DNAAF4: variants seen among roughly 807,000 people sequenced by gnomAD.
DNAAF4 encodes the protein dynein assembly factor 4, axonemal.
Under a neutral mutation model 51.8 loss-of-function variants are expected in DNAAF4, and 43 were observed. That is an observed-to-expected ratio of 0.83 (90% CI 0.65 to 1.07). DNAAF4 has a LOEUF of 1.07. DNAAF4 is among the 50% of genes least tolerant of loss of function. The pLI is 0.00. For missense variants in DNAAF4, 581 were observed against 493.0 expected (o/e 1.18, Z -1.69); for synonymous variants, 194 against 165.6 (o/e 1.17, Z -1.32).
downstream of DNAAF4, among the ~76,000 whole-genome samples, chr15:55,426,081 T>C (rs1387913853): frequency 1.4e-5 from 2 of 147,272 alleles, no homozygotes; most frequent in African/African-American, 5.4e-5. Flanking sequence ...GGAGTGCTGA[T>C]TGGTTAGGTA....
chr15:55,457,715 T>C lies in DNAAF4; in HGVS notation c.638-7348A>G, dbSNP rs571847305. 3.3e-5 allele frequency among the ~76,000 whole-genome samples: 5 copies of C among 152,228 alleles called. 1 individual carries two copies. The South Asian group carries it at 1.0e-3, about 32-fold the overall frequency. On this transcript the variant is annotated intron_variant, in intron 5 of 9. Coordinates refer to ENST00000321149, the MANE Select transcript of DNAAF4 (RefSeq NM_130810.4). The stretch of plus-strand genomic sequence containing the variant: ...TGTCTAGCCAGAGGTCCTGAATCTG[T>C]CCACGTGACAACTTCACTGCTTACA...
chr15:55,484,063 T>C (rs1290748884), intron 4 of DNAAF4, among the ~76,000 whole-genome samples: 1 of 151,926 alleles, frequency 6.6e-6, no homozygotes, highest in South Asian at 2.1e-4. Context: ...CCCATTAGGA[T>C]GGCTACTCTC....
intron 4 of DNAAF4, among the ~76,000 whole-genome samples, chr15:55,483,552 TG>T (rs1372245319): frequency 1.3e-5 from 2 of 152,206 alleles, no homozygotes; most frequent in East Asian, 3.8e-4. Flanking sequence ...GGTTTGTTTT[TG>T]TTTTTGAAAT....
intron 4 of DNAAF4, among the ~76,000 whole-genome samples, chr15:55,470,574 C>T (rs2058239904): frequency 6.7e-6 from 1 of 148,800 alleles, no homozygotes; most frequent in Admixed American, 6.7e-5. Context: ...CAGGGTCTTG[C>T]TCTGTCACCC....
chr15:55,454,038 C>T (rs1461548266), intron 5 of DNAAF4, among the ~76,000 whole-genome samples: 3 of 151,972 alleles, frequency 2.0e-5, no homozygotes, highest in Admixed American at 1.3e-4. Context: ...TGGTGGCTCA[C>T]GCCTGTAATC....
At chr15:55,448,700 T>G (rs1228734835) in intron 6 of DNAAF4, among the ~76,000 whole-genome samples, 1 of 151,488 alleles carries the variant, frequency 6.6e-6, no homozygotes, top group Non-Finnish European at 1.5e-5. Context: ...AAACCCCATC[T>G]CTATTAAAAA....
chr15:55,490,294 T>C (rs1039957745), intron 4 of DNAAF4, among the ~76,000 whole-genome samples: 7 of 151,976 alleles, frequency 4.6e-5, no homozygotes, highest in South Asian at 2.1e-4. Flanking sequence ...CTTAGGGGTA[T>C]TGGTGCTTTT....
rs143409348 is a variant in DNAAF4, at chr15:55,437,160, T to C, written c.894-2102A>G. On this transcript the variant is annotated intron_variant, in intron 7 of 9. Transcript: ENST00000321149. ...CCATGTTATTGTACTTCCCACACAG[T>C]GTTTTAAATATTTGTGTACGTCTCT... is the stretch of plus-strand genomic sequence containing the variant. Among the ~76,000 whole-genome samples, 81 of 152,332 alleles carry C rather than the reference T, an allele frequency of 5.3e-4. 1 individual carries two copies. Among genetic ancestry groups the C allele is most frequent in the African/African-American group, 1.9e-3 (79 of 41,590 alleles).
At chr15:55,497,236 TTC>T (rs2058652490) in intron 3 of DNAAF4, among the ~76,000 whole-genome samples, 1 of 152,184 alleles carries the variant, frequency 6.6e-6, no homozygotes, top group Admixed American at 6.5e-5. Context: ...ATACATTTTC[TTC>T]TGTCAATCCT....
chr15:55,475,990 T>C (rs1434471042), intron 4 of DNAAF4, among the ~76,000 whole-genome samples: 1 of 152,060 alleles, frequency 6.6e-6, no homozygotes, highest in Admixed American at 6.6e-5. Flanking sequence ...CATGAAACAA[T>C]GGATAGAAGA....
In DNAAF4 at chr15:55,491,141, T is replaced by C; in HGVS notation, c.387A>G (p.Ala129=). ...AACTTACCTTCATCATGACACTTAG[T>C]GCGTATTTTTGATCTTCCCGCTTTG... ...AAAKREDQKY[A]LSVMMKIEEE... Residue 129 remains alanine (A), a synonymous_variant, in exon 4 of 10, where the codon GCA becomes GCG. Transcript: ENST00000321149. 1 of 1,614,116 alleles carries C rather than the reference T, an allele frequency of 6.2e-7. No homozygotes were observed. Among genetic ancestry groups the C allele is most frequent in the South Asian group, 1.1e-5 (1 of 91,082 alleles).
intron 3 of DNAAF4, among the ~76,000 whole-genome samples, chr15:55,494,679 T>A (rs1314065558): frequency 4.6e-5 from 7 of 152,236 alleles, no homozygotes; most frequent in African/African-American, 1.4e-4. Flanking sequence ...CCCAAAGTGA[T>A]GGGATTACAA....
intron 1 of DNAAF4, among the ~76,000 whole-genome samples, chr15:55,503,341 G>C (rs554226780): frequency 1.3e-5 from 2 of 152,130 alleles, no homozygotes; most frequent in Non-Finnish European, 2.9e-5. Context: ...AATTCTACTG[G>C]AGGTACAAGG....
intron 4 of DNAAF4, among the ~76,000 whole-genome samples, chr15:55,470,371 A>G (rs2058236513): frequency 6.6e-6 from 1 of 151,906 alleles, no homozygotes. Flanking sequence ...CATTTTTAAT[A>G]AAAAGATGCA....
chr15:55,421,758 G>C (rs948269166), intron 7 of DNAAF4, among the ~76,000 whole-genome samples: 3 of 151,796 alleles, frequency 2.0e-5, no homozygotes, highest in African/African-American at 7.3e-5. Flanking sequence ...GCATGGTGGC[G>C]CATGCCTGTA....
At chr15:55,457,056 T>C (rs1362005231) in intron 5 of DNAAF4, among the ~76,000 whole-genome samples, 2 of 152,086 alleles carry the variant, frequency 1.3e-5, no homozygotes, top group African/African-American at 2.4e-5. Context: ...AAATGGGAAG[T>C]ACAGATGCGA....
At chr15:55,488,613 CAA>C (rs1357600694) in intron 4 of DNAAF4, among the ~76,000 whole-genome samples, 1 of 152,088 alleles carries the variant, frequency 6.6e-6, no homozygotes, top group African/African-American at 2.4e-5. Context: ...AAGGATGAAA[CAA>C]AACATACTCC....
At chr15:55,505,257 G>A (rs1187701795) in intron 1 of DNAAF4, among the ~76,000 whole-genome samples, 1 of 152,108 alleles carries the variant, frequency 6.6e-6, no homozygotes, top group Non-Finnish European at 1.5e-5. Context: ...TCATTAAAAC[G>A]TCAAGAAACA....
At chr15:55,479,252 C>T (rs188257543) in intron 4 of DNAAF4, among the ~76,000 whole-genome samples, 49 of 151,810 alleles carry the variant, frequency 3.2e-4, no homozygotes, top group South Asian at 2.5e-3. Context: ...CCAAGTGTTG[C>T]GGGAAGTCAG....
Sources: gnomAD v4.1 joint callset for allele counts (sites outside exome capture counted in the v4.1 genomes callset) on GRCh38, gnomAD v4.1.1 for gene constraint, MANE v1.5 for transcripts, NCBI Gene and HGNC (gene_info 2026-07-23, HGNC 2026-07-21) for gene names.